CNTNAP5: variants seen among roughly 807,000 people sequenced by gnomAD.
The protein encoded by CNTNAP5 is contactin associated protein family member 5, also known as contactin-associated protein-like 5.
A neutral mutation model predicts 150.2 loss-of-function variants in CNTNAP5; 72 were observed. The observed-to-expected ratio is 0.48, with a 90% CI of 0.40 to 0.58. CNTNAP5 has a LOEUF of 0.58. CNTNAP5 is among the 20% of genes least tolerant of loss of function. The pLI is 0.00. For synonymous variants in CNTNAP5, 672 were observed against 619.8 expected (o/e 1.08, Z -1.25); for missense variants, 1,636 against 1,626.2 (o/e 1.01, Z -0.10).
chr2:124,243,205 A>G (rs1051378796), intron 3 of CNTNAP5, among the ~76,000 whole-genome samples: 27 of 152,320 alleles, frequency 1.8e-4, no homozygotes, highest in African/African-American at 6.5e-4. Flanking sequence ...TTTTTCATTG[A>G]GAAAATAAGT....
intron 18 of CNTNAP5, among the ~76,000 whole-genome samples, chr2:124,797,432 T>C (rs369725049): frequency 7.6e-4 from 116 of 152,358 alleles, no homozygotes; most frequent in African/African-American, 2.7e-3. Flanking sequence ...TAGGAAAGCC[T>C]ATTTACCCAA....
chr2:124,217,551 C>T (rs1487677043), intron 1 of CNTNAP5, among the ~76,000 whole-genome samples: 2 of 152,180 alleles, frequency 1.3e-5, no homozygotes, highest in African/African-American at 2.4e-5. Flanking sequence ...AATGAAGGCG[C>T]AATGTCATCT....
At chr2:124,046,462 G>A (rs1681541557) in intron 1 of CNTNAP5, among the ~76,000 whole-genome samples, 1 of 145,076 alleles carries the variant, frequency 6.9e-6, no homozygotes, top group African/African-American at 2.5e-5. Flanking sequence ...GAGAATAACA[G>A]GTTAATATCT....
intron 1 of CNTNAP5, among the ~76,000 whole-genome samples, chr2:124,219,898 C>A (rs1350148946): frequency 6.6e-6 from 1 of 151,976 alleles, no homozygotes; most frequent in African/African-American, 2.4e-5. Flanking sequence ...GAAACCATAT[C>A]TGCGATTTTT....
chr2:124,288,033 G>A (rs1688198107), intron 3 of CNTNAP5, among the ~76,000 whole-genome samples: 1 of 152,128 alleles, frequency 6.6e-6, no homozygotes, highest in Admixed American at 6.5e-5. Context: ...TGGCTCAAGT[G>A]ATGCTCCCAC....
chr2:124,585,688 T>C (rs1696514734), intron 11 of CNTNAP5, among the ~76,000 whole-genome samples: 2 of 148,478 alleles, frequency 1.3e-5, no homozygotes. Flanking sequence ...TTTTTTTTTT[T>C]TTTTTGAGTT....
intron 3 of CNTNAP5, among the ~76,000 whole-genome samples, chr2:124,414,061 AGC>A (rs1310727661): frequency 2.6e-5 from 4 of 151,320 alleles, no homozygotes; most frequent in African/African-American, 9.7e-5. Context: ...CCTGAGTTCC[AGC>A]ATTGGATATA....
chr2:124,322,950 TAAG>T (rs1262364741), intron 3 of CNTNAP5, among the ~76,000 whole-genome samples: 1 of 152,300 alleles, frequency 6.6e-6, no homozygotes. Flanking sequence ...ATAGAAATAT[TAAG>T]AAGGATTAGA....
intron 21 of CNTNAP5, among the ~76,000 whole-genome samples, chr2:124,871,593 A>C (rs1308554488): frequency 6.6e-6 from 1 of 152,086 alleles, no homozygotes; most frequent in Non-Finnish European, 1.5e-5. Flanking sequence ...GCCAGTTTCA[A>C]AGACTCACTG....
At chr2:124,774,862 GT>G (rs762854840) in intron 17 of CNTNAP5, among the ~76,000 whole-genome samples, 1 of 152,174 alleles carries the variant, frequency 6.6e-6, no homozygotes, top group Non-Finnish European at 1.5e-5. Flanking sequence ...GTTTGCGCAA[GT>G]CAAAAGGGAA....
chr2:124,476,631 T>C (rs1314610427), intron 7 of CNTNAP5, among the ~76,000 whole-genome samples: 1 of 152,188 alleles, frequency 6.6e-6, no homozygotes, highest in Non-Finnish European at 1.5e-5. Context: ...GACTTGGTTC[T>C]ATCTGACAAT....
At chr2:124,358,705 C>G (rs1690099778) in intron 3 of CNTNAP5, among the ~76,000 whole-genome samples, 1 of 152,124 alleles carries the variant, frequency 6.6e-6, no homozygotes, top group South Asian at 2.1e-4. Flanking sequence ...ATTCATTTTC[C>G]CAGTATTTTA....
chr2:124,228,040 G>A (rs1019027404), intron 2 of CNTNAP5, among the ~76,000 whole-genome samples: 9 of 152,052 alleles, frequency 5.9e-5, no homozygotes, highest in Non-Finnish European at 1.2e-4. Context: ...CTGTAAGCTG[G>A]AGAAGAGGGA....
intron 1 of CNTNAP5, among the ~76,000 whole-genome samples, chr2:124,079,850 TG>T (rs1028188838): frequency 6.6e-6 from 1 of 152,116 alleles, no homozygotes; most frequent in Non-Finnish European, 1.5e-5. Flanking sequence ...TCAAAATGCA[TG>T]GGTTCAAGTC....
At chr2:124,265,732 G>C (rs184298622) in intron 3 of CNTNAP5, among the ~76,000 whole-genome samples, 2 of 152,056 alleles carry the variant, frequency 1.3e-5, no homozygotes, top group Non-Finnish European at 2.9e-5. Flanking sequence ...CTAGGTGACC[G>C]AGGGCCGGCC....
At chr2:124,126,968 A>G (rs1169335054) in intron 1 of CNTNAP5, among the ~76,000 whole-genome samples, 1 of 152,210 alleles carries the variant, frequency 6.6e-6, no homozygotes, top group Non-Finnish European at 1.5e-5. Flanking sequence ...GAATGGGCAA[A>G]AACTGGGAGC....
intron 1 of CNTNAP5, among the ~76,000 whole-genome samples, chr2:124,031,841 A>C (rs1452120703): frequency 6.6e-6 from 1 of 152,194 alleles, no homozygotes; most frequent in Non-Finnish European, 1.5e-5. Flanking sequence ...AAATTATTGA[A>C]AAGATCTCTC....
chr2:124,065,118 T>G (rs1237581811), intron 1 of CNTNAP5, among the ~76,000 whole-genome samples: 1 of 152,118 alleles, frequency 6.6e-6, no homozygotes, highest in African/African-American at 2.4e-5. Flanking sequence ...TTTGAGTACA[T>G]GGAGAATTAT....
chr2:124,233,892 G>A lies in CNTNAP5; in HGVS notation c.188-8308G>A, dbSNP rs149516621. 3.9e-4 allele frequency among the ~76,000 whole-genome samples: 59 copies of A among 151,968 alleles called. 2 individuals carry two copies. In the East Asian group the frequency reaches 0.01, roughly 27 times the overall value. The stretch of plus-strand genomic sequence containing the variant: ...TATCCAAAGTCACAAGGTAGAAAGT[G>A]ACCTTTTAAACTCAAAAACACCAGA... On this transcript the variant is annotated intron_variant, in intron 2 of 23. Coordinates refer to ENST00000682447, the MANE Select transcript of CNTNAP5 (RefSeq NM_001367498.1).
Sources: allele counts gnomAD v4.1 joint callset (sites outside exome capture counted in the v4.1 genomes callset), GRCh38; gene constraint gnomAD v4.1.1; transcripts MANE v1.5; gene names NCBI Gene and HGNC (gene_info 2026-07-23, HGNC 2026-07-21).